The following CSMD3 variants were observed in gnomAD, a reference collection of about 807,000 sequenced individuals.
CSMD3 encodes the protein CUB and sushi domain-containing protein 3.
In CSMD3, 177 loss-of-function variants were observed where a neutral mutation model predicts 435.2. That is an observed-to-expected ratio of 0.41 (90% CI 0.36 to 0.46). CSMD3 has a LOEUF of 0.46. CSMD3 is among the 20% of genes least tolerant of loss of function. The probability of loss-of-function intolerance (pLI) is 0.34; values close to 1 mark genes in which losing one functional copy is unlikely to be tolerated. For missense variants in CSMD3, 4,265 were observed against 4,504.6 expected (o/e 0.95, Z 1.52); for synonymous variants, 1,656 against 1,520.5 (o/e 1.09, Z -2.07).
intron 5 of CSMD3, among the ~76,000 whole-genome samples, chr8:113,053,750 C>A (rs978779503): frequency 6.6e-6 from 1 of 152,020 alleles, no homozygotes; most frequent in African/African-American, 2.4e-5. Flanking sequence ...GTAGTATTTG[C>A]TGCTATGTAT....
chr8:112,390,809 G>A (rs759821482), intron 35 of CSMD3, 21 bp from the exon 36 acceptor site: 5 of 1,610,856 alleles, frequency 3.1e-6, no homozygotes, highest in Non-Finnish European at 4.2e-6. Flanking sequence ...AGCAGTCCAA[G>A]AGAGGGAGTT....
At chr8:113,293,722 T>C (rs546475934) in intron 2 of CSMD3, among the ~76,000 whole-genome samples, 4 of 152,276 alleles carry the variant, frequency 2.6e-5, no homozygotes, top group African/African-American at 9.6e-5. Flanking sequence ...CAAGTTCCCT[T>C]TATTAAATTC....
In CSMD3 at chr8:112,682,577, C is replaced by A. The variant is rs2131786455; in HGVS notation, c.2542G>T (p.Asp848Tyr). Residue 848 changes from aspartate (D) to tyrosine (Y), a missense_variant, in exon 16 of 71, where the codon GAC (aspartate) becomes TAC (tyrosine). Around this residue, in one of 3 missense-constraint regions of CSMD3, gnomAD observed 279 missense variants for 369.0 expected, o/e 0.76. Coordinates refer to ENST00000297405, the MANE Select transcript of CSMD3 (RefSeq NM_198123.2). ...ATTGAACTTCCTAATTGAAAGTTGTCCCCAAACCGCCGTGCATTGATTGGT... is the reference window on the plus strand; with the variant it reads ...ATTGAACTTCCTAATTGAAAGTTGTACCCAAACCGCCGTGCATTGATTGGT... ...GIPINARRFGDNFQLGSSISV... is the reference protein window; with the variant it reads ...GIPINARRFGYNFQLGSSISV... The A allele has an allele frequency of 6.2e-7, 1 of 1,613,632 alleles. No individual in the cohort carries two copies. The highest frequency in any genetic ancestry group is 8.5e-7 in the Non-Finnish European group (1 of 1,179,628).
At chr8:112,581,906 C>A (rs1301005926) in intron 23 of CSMD3, among the ~76,000 whole-genome samples, 1 of 151,786 alleles carries the variant, frequency 6.6e-6, no homozygotes, top group Non-Finnish European at 1.5e-5. Context: ...TGAGTAGAGA[C>A]CTGAAGGAAA....
intron 59 of CSMD3, among the ~76,000 whole-genome samples, chr8:112,273,522 G>A (rs563470634): frequency 2.6e-4 from 40 of 151,908 alleles, no homozygotes; most frequent in Admixed American, 1.6e-3. Flanking sequence ...TCAGGAGATC[G>A]AGACCATCCT....
intron 31 of CSMD3, among the ~76,000 whole-genome samples, chr8:112,483,430 C>A (rs1397820117): frequency 6.6e-6 from 1 of 152,114 alleles, no homozygotes; most frequent in Non-Finnish European, 1.5e-5. Flanking sequence ...TTCCAGTGAG[C>A]CGAGCTTGCG....
At chr8:113,075,626 G>A (rs1343793567) in intron 5 of CSMD3, among the ~76,000 whole-genome samples, 2 of 151,636 alleles carry the variant, frequency 1.3e-5, no homozygotes, top group Non-Finnish European at 3.0e-5. Context: ...TAGAAACATA[G>A]GCTTGCATAT....
chr8:112,446,829 C>T (rs956256439), intron 32 of CSMD3, among the ~76,000 whole-genome samples: 4 of 152,092 alleles, frequency 2.6e-5, no homozygotes, highest in East Asian at 1.9e-4. Flanking sequence ...GGCAATGGGC[C>T]GGGTTTCAGT....
chr8:112,437,922 A>G (rs1814555516), intron 32 of CSMD3, among the ~76,000 whole-genome samples: 1 of 151,982 alleles, frequency 6.6e-6, no homozygotes, highest in African/African-American at 2.4e-5. Flanking sequence ...TTTGTGGTCC[A>G]TTCTATATTA....
At position 113,393,008 on chromosome 8, in the gene CSMD3, TG is replaced by T. The variant is rs2094467857; in HGVS notation, c.178+43668del. 1.3e-5 allele frequency among the ~76,000 whole-genome samples: 2 copies of T among 151,880 alleles called. 1 individual carries two copies. The highest frequency in any genetic ancestry group is 4.1e-4 in the South Asian group (2 of 4,820). On this transcript the variant is annotated intron_variant, in intron 1 of 70. Coordinates refer to ENST00000297405, the MANE Select transcript of CSMD3 (RefSeq NM_198123.2). ...ATATGTATATATATATATACACATG[TG>T]TTTTTTTACATATATATAAAACCAT...
At position 112,685,712 on chromosome 8, in the gene CSMD3, T is replaced by A. The variant is rs757710776; in HGVS notation, c.2176A>T (p.Thr726Ser). The stretch of plus-strand genomic sequence containing the variant: ...GAAAGAACTGTTCCCATTGGTGCAG[T>A]AAAGTTAGACAGGCAGGGAACTGGT... ...ICIFPCLSNF[T>S]APMGTVLSPD... The change falls in exon 15 of 71, where the codon ACT (threonine) becomes TCT (serine). Residue 726 changes from threonine to serine, a missense_variant. Around this residue, in one of 3 missense-constraint regions of CSMD3, gnomAD observed 279 missense variants for 369.0 expected, o/e 0.76. Coordinates refer to ENST00000297405, the MANE Select transcript of CSMD3 (RefSeq NM_198123.2). 1 of 1,611,046 alleles carries A rather than the reference T, an allele frequency of 6.2e-7. No homozygotes were observed.
At chr8:113,383,522 A>G (rs1441813706) in intron 1 of CSMD3, among the ~76,000 whole-genome samples, 2 of 152,164 alleles carry the variant, frequency 1.3e-5, no homozygotes, top group South Asian at 2.1e-4. Context: ...CATCTGGTCT[A>G]TAAAGATAGG....
At chr8:113,096,800 G>A (rs189099540) in intron 5 of CSMD3, among the ~76,000 whole-genome samples, 10 of 151,896 alleles carry the variant, frequency 6.6e-5, no homozygotes, top group African/African-American at 9.7e-5. Flanking sequence ...TGTCATTTTT[G>A]CCTGAAGGCT....
chr8:112,302,764 A>T (rs1460592978), intron 52 of CSMD3, among the ~76,000 whole-genome samples: 11 of 151,894 alleles, frequency 7.2e-5, no homozygotes, highest in Non-Finnish European at 1.2e-4. Context: ...CAAACTTGCA[A>T]GAGTTGCATA....
chr8:112,309,307 A>T (rs558474179), intron 50 of CSMD3, among the ~76,000 whole-genome samples: 31 of 152,016 alleles, frequency 2.0e-4, no homozygotes, highest in African/African-American at 7.2e-4. Context: ...AGGATTATAT[A>T]TGTATACCAT....
intron 35 of CSMD3, among the ~76,000 whole-genome samples, chr8:112,401,310 C>T (rs903885350): frequency 5.9e-5 from 9 of 152,110 alleles, no homozygotes; most frequent in South Asian, 2.1e-4. Context: ...CACTTCTCTT[C>T]GCTTGCTATT....
chr8:113,162,571 CAAAAAAA>C (rs753811903), intron 4 of CSMD3, among the ~76,000 whole-genome samples: 299 of 59,802 alleles, frequency 5.0e-3, no homozygotes, highest in East Asian at 0.028. Context: ...GTCCCCACAT[CAAAAAAA>C]AAAAAAAAAA....
Position 112,301,876 on chromosome 8 carries a change from T to C in CSMD3, c.8357A>G (p.Asp2786Gly). The part of the protein sequence containing the change: ...SYGSTAIFTC[D>G]LGFMLVGSAV... Reference sequence around the variant, plus strand: ...AGAGCCCACAAGCATGAATCCCAAGTCGCAGGTAAAGATAGCTGTTGAGCC... The same window carrying C: ...AGAGCCCACAAGCATGAATCCCAAGCCGCAGGTAAAGATAGCTGTTGAGCC... The change falls in exon 53 of 71, where the codon GAC becomes GGC. Residue 2786 changes from aspartate (D) to glycine (G), a missense_variant. Physicochemically the swap from Asp to Gly is moderately conservative, Grantham distance 94. Coordinates refer to ENST00000297405, the MANE Select transcript of CSMD3 (RefSeq NM_198123.2). 6.2e-7 allele frequency: 1 copy of C among 1,613,714 alleles called. No individual in the cohort carries two copies. Among genetic ancestry groups the C allele is most frequent in the Non-Finnish European group, 8.5e-7 (1 of 1,179,698 alleles).
At chr8:113,414,354 GT>G (rs1221765526) in intron 1 of CSMD3, among the ~76,000 whole-genome samples, 2 of 152,004 alleles carry the variant, frequency 1.3e-5, no homozygotes, top group Non-Finnish European at 2.9e-5. Flanking sequence ...AGATACTATT[GT>G]TATATCATAG....
Sources: allele counts gnomAD v4.1 joint callset (sites outside exome capture counted in the v4.1 genomes callset), GRCh38; gene constraint gnomAD v4.1.1; regional missense constraint gnomAD v4.1.1; transcripts MANE v1.5; gene names NCBI Gene and HGNC (gene_info 2026-07-23, HGNC 2026-07-21).